Variants in PCDHGA12 observed in about 807,000 individuals in gnomAD.
PCDHGA12 encodes protocadherin gamma-A12.
In PCDHGA12, 43 loss-of-function variants were observed where a neutral mutation model predicts 61.1. That is an observed-to-expected ratio of 0.70 (90% CI 0.55 to 0.91). The LOEUF is 0.91. PCDHGA12 is among the 40% of genes least tolerant of loss of function. PCDHGA12 has a pLI of 0.00. For missense variants in PCDHGA12, 1,236 were observed against 1,227.7 expected (o/e 1.01, Z -0.10); for synonymous variants, 520 against 542.9 (o/e 0.96, Z 0.59).
intron 1 of PCDHGA12, among the ~76,000 whole-genome samples, chr5:141,460,682 T>A (rs957470916): frequency 3.3e-5 from 5 of 152,134 alleles, no homozygotes; most frequent in African/African-American, 1.2e-4. Flanking sequence ...TATATCTATA[T>A]ATCCACCAAC....
chr5:141,441,797 G>A, intron 1 of PCDHGA12: 2 of 386,536 alleles, frequency 5.2e-6, no homozygotes, highest in Non-Finnish European at 1.0e-5. Context: ...ACAACGCACC[G>A]CGGGTGCTGT....
At position 141,500,184 on chromosome 5, in the gene PCDHGA12, TTTTATTTATTTATTTA is replaced by T. The variant is rs58019021; in HGVS notation, c.2484-5182_2484-5167del. Among the ~76,000 whole-genome samples the T allele has an allele frequency of 2.1e-3, 289 of 135,964 alleles. 1 individual carries two copies. Among genetic ancestry groups the T allele is most frequent in the Middle Eastern group, 0.016 (4 of 248 alleles). The allele number at this position is 135,964 out of a possible 152,430, so 89.2% of individuals were successfully genotyped here. A position where few individuals can be genotyped will look rare whatever the true frequency, so the allele number is the denominator to read the frequency against. On this transcript the variant is annotated intron_variant, in intron 2 of 3. Coordinates refer to ENST00000252085, the MANE Select transcript of PCDHGA12 (RefSeq NM_003735.3). ...GAACATGCATGAGCTTCATTTTTAT[TTTTATTTATTTATTTA>T]TTTATTTATTTATTTATTTATTTAT...
intron 2 of PCDHGA12, among the ~76,000 whole-genome samples, chr5:141,502,067 CCTTCACCTGGGG>C (rs1307097799): frequency 6.6e-6 from 1 of 152,172 alleles, no homozygotes; most frequent in Non-Finnish European, 1.5e-5. Flanking sequence ...CCATTAGCCC[CCTTCACCTGGGG>C]CTGAGAACAC....
chr5:141,430,919 C>T lies in PCDHGA12; in HGVS notation c.160C>T (p.Leu54=). The change falls in exon 1 of 4, where the codon CTG becomes TTG. Residue 54 remains leucine (L), a synonymous_variant. Coordinates refer to ENST00000252085, the MANE Select transcript of PCDHGA12 (RefSeq NM_003735.3). Reference sequence around the variant, plus strand: ...GGGCGACATCTCCAGGGACCTGGGGCTGGAGCCCCGGGAGCTCGCGGAGCG... The same window carrying T: ...GGGCGACATCTCCAGGGACCTGGGGTTGGAGCCCCGGGAGCTCGCGGAGCG... The part of the protein sequence containing the change: ...RVGDISRDLG[L]EPRELAERGV... 1 of 1,607,610 alleles carries T rather than the reference C, an allele frequency of 6.2e-7. No individual in the cohort carries two copies. Among genetic ancestry groups the T allele is most frequent in the Non-Finnish European group, 8.5e-7 (1 of 1,177,374 alleles).
chr5:141,477,432 C>T lies in PCDHGA12; in HGVS notation c.2425-17375C>T, dbSNP rs1184041591. 6.2e-7 allele frequency: 1 copy of T among 1,614,186 alleles called. No individual in the cohort carries two copies. Among genetic ancestry groups the T allele is most frequent in the Admixed American group, 1.7e-5 (1 of 60,028 alleles). ...GACGCCGGAACCCCTTCCCTCTCAG[C>T]CCTTACAATAGTGCGTGTTCAAGTG... On this transcript the variant is annotated intron_variant, in intron 1 of 3. Transcript: ENST00000252085. This position sits in a 1 kb window ranked among gnomAD's most constrained non-coding sequence, Gnocchi z 4.9.
chr5:141,465,430 C>T (rs1212434943), intron 1 of PCDHGA12, among the ~76,000 whole-genome samples: 2 of 152,150 alleles, frequency 1.3e-5, no homozygotes, highest in Non-Finnish European at 2.9e-5. Context: ...AAGGTGGGCA[C>T]TTAATGATTA....
At chr5:141,484,966 G>A in intron 1 of PCDHGA12, 1 of 583,968 alleles carries the variant, frequency 1.7e-6, no homozygotes. Context: ...GAGCCCGGGA[G>A]CCGCTGTCTG....
intron 1 of PCDHGA12, among the ~76,000 whole-genome samples, chr5:141,453,067 C>T (rs1227122711): frequency 1.3e-5 from 2 of 152,024 alleles, no homozygotes; most frequent in Admixed American, 6.6e-5. Flanking sequence ...AGAGTTTTGC[C>T]ACACTCTGGT....
At chr5:141,473,168 A>G (rs1026233643) in intron 1 of PCDHGA12, among the ~76,000 whole-genome samples, 2 of 152,218 alleles carry the variant, frequency 1.3e-5, no homozygotes, top group Admixed American at 1.3e-4. Context: ...AGGAAGGCCC[A>G]CTGGTAACTT....
At chr5:141,456,119 C>G (rs902179639) in intron 1 of PCDHGA12, among the ~76,000 whole-genome samples, 3 of 151,826 alleles carry the variant, frequency 2.0e-5, no homozygotes, top group Non-Finnish European at 4.4e-5. Flanking sequence ...GGATGGTCTC[C>G]ATCTCCTGAC....
chr5:141,507,632 G>A (rs551849213), intron 3 of PCDHGA12, among the ~76,000 whole-genome samples: 6 of 152,360 alleles, frequency 3.9e-5, no homozygotes, highest in Non-Finnish European at 7.3e-5. Flanking sequence ...GTGGCCTTGC[G>A]CCCTGAGGCC....
rs749095017 is a variant in PCDHGA12, at chr5:141,489,455, G to A, written c.2425-5352G>A. 1 of 1,614,042 alleles carries A rather than the reference G, an allele frequency of 6.2e-7. No homozygotes were observed. ...CTGCAATTGGGCTCTGAGGAGAATGGGCGCTATTTTTCCCTGAGCTTGATG... is the reference window on the plus strand; with the variant it reads ...CTGCAATTGGGCTCTGAGGAGAATGAGCGCTATTTTTCCCTGAGCTTGATG... On this transcript the variant is annotated intron_variant, in intron 1 of 3. Coordinates refer to ENST00000252085, the MANE Select transcript of PCDHGA12 (RefSeq NM_003735.3). This position sits in a 1 kb window ranked among gnomAD's most constrained non-coding sequence, Gnocchi z 4.5.
intron 1 of PCDHGA12, among the ~76,000 whole-genome samples, chr5:141,483,322 G>C (rs1325809962): frequency 1.3e-5 from 2 of 152,110 alleles, no homozygotes. Flanking sequence ...TGGGACTGGA[G>C]GCAAAGAGAT....
At chr5:141,466,077 A>G (rs1220036084) in intron 1 of PCDHGA12, among the ~76,000 whole-genome samples, 2 of 152,108 alleles carry the variant, frequency 1.3e-5, no homozygotes, top group Non-Finnish European at 2.9e-5. Context: ...AGCTGATATC[A>G]TGCCACTGCA....
Position 141,512,089 on chromosome 5 carries a change from T to C in PCDHGA12, c.*916T>C, listed in dbSNP as rs1292597067. 6.6e-6 allele frequency: 1 copy of C among 152,606 alleles called. No individual in the cohort carries two copies. Among genetic ancestry groups the C allele is most frequent in the Non-Finnish European group, 1.5e-5 (1 of 68,068 alleles). 9.5% of individuals were successfully genotyped at this position (152,606 alleles called of 1,614,324 possible). A position where few individuals can be genotyped will look rare whatever the true frequency, so the allele number is the denominator to read the frequency against. ...CCTCCAGATTCCAGCCATAAACCAA[T>C]AACTAGGCTGGACCCTTCCCACTAC... On this transcript the variant is annotated 3_prime_UTR_variant, in exon 4 of 4. Coordinates refer to ENST00000252085, the MANE Select transcript of PCDHGA12 (RefSeq NM_003735.3).
intron 2 of PCDHGA12, among the ~76,000 whole-genome samples, chr5:141,495,690 G>A (rs1261694815): frequency 1.3e-5 from 2 of 152,172 alleles, no homozygotes; most frequent in East Asian, 3.9e-4. Context: ...TGGCATAAGT[G>A]CTCAATAAAT....
intron 2 of PCDHGA12, among the ~76,000 whole-genome samples, chr5:141,499,868 A>G (rs2099794957): frequency 6.6e-6 from 1 of 152,024 alleles, no homozygotes; most frequent in Non-Finnish European, 1.5e-5. Context: ...TTGTATTTTC[A>G]GTACAAACAG....
chr5:141,491,954 C>CA lies in PCDHGA12; in HGVS notation c.2425-2847dup. 1 of 1,032,920 alleles carries CA rather than the reference C, an allele frequency of 9.7e-7. No homozygotes were observed. Among genetic ancestry groups the CA allele is most frequent in the Non-Finnish European group, 1.3e-6 (1 of 747,262 alleles). 64.0% of individuals were successfully genotyped at this position (1,032,920 alleles called of 1,614,324 possible). A position where few individuals can be genotyped will look rare whatever the true frequency, so the allele number is the denominator to read the frequency against. ...TGGGACCGACCCCCACCCCTACACTCAAAAAAGGCCGGGGCCTCCTTCGAG... is the reference window on the plus strand; with the variant it reads ...TGGGACCGACCCCCACCCCTACACTCAAAAAAAGGCCGGGGCCTCCTTCGAG... On this transcript the variant is annotated intron_variant, in intron 1 of 3. Coordinates refer to ENST00000252085, the MANE Select transcript of PCDHGA12 (RefSeq NM_003735.3). This position sits in a 1 kb window ranked among gnomAD's most constrained non-coding sequence, Gnocchi z 6.9.
At chr5:141,458,219 C>T (rs2098940224) in intron 1 of PCDHGA12, among the ~76,000 whole-genome samples, 1 of 152,248 alleles carries the variant, frequency 6.6e-6, no homozygotes, top group African/African-American at 2.4e-5. Flanking sequence ...AATAAGTTTC[C>T]TTTCCCAGTC....
Sources: gnomAD v4.1 joint callset for allele counts (sites outside exome capture counted in the v4.1 genomes callset) on GRCh38, gnomAD v4.1.1 for gene constraint, Gnocchi (gnomAD v3.1) non-coding constraint, MANE v1.5 for transcripts, NCBI Gene and HGNC (gene_info 2026-07-23, HGNC 2026-07-21) for gene names.